The following ZNF83 variants were observed in gnomAD, a reference collection of about 807,000 sequenced individuals.
ZNF83 encodes zinc finger protein 816B.
For missense variants in ZNF83, 552 were observed against 629.9 expected (o/e 0.88, Z 1.32); for synonymous variants, 209 against 213.0 (o/e 0.98, Z 0.17).
At chr19:52,626,791 G>A (rs2060753889) in intron 2 of ZNF83, among the ~76,000 whole-genome samples, 2 of 152,044 alleles carry the variant, frequency 1.3e-5, no homozygotes, top group East Asian at 3.9e-4. Context: ...GCAACCCTGA[G>A]AAACATCATC....
chr19:52,622,875 G>A (rs979306648), intron 2 of ZNF83, among the ~76,000 whole-genome samples: 1 of 152,216 alleles, frequency 6.6e-6, no homozygotes, highest in Non-Finnish European at 1.5e-5. Flanking sequence ...AGAGGAGGCA[G>A]CCAAATGGCA....
At chr19:52,681,951 A>G (rs1432244875) in intron 1 of ZNF83, among the ~76,000 whole-genome samples, 1 of 152,144 alleles carries the variant, frequency 6.6e-6, no homozygotes, top group Non-Finnish European at 1.5e-5. Context: ...AGGTCTAAGC[A>G]ATTCTCCTGC....
intron 1 of ZNF83, among the ~76,000 whole-genome samples, chr19:52,678,342 T>G (rs1437304055): frequency 6.9e-6 from 1 of 145,272 alleles, no homozygotes; most frequent in Non-Finnish European, 1.5e-5. Flanking sequence ...CCCAGTTACT[T>G]GGGAGGCTGA....
intron 1 of ZNF83, among the ~76,000 whole-genome samples, chr19:52,686,827 T>G (rs1450744884): frequency 6.6e-5 from 10 of 152,008 alleles, no homozygotes; most frequent in Non-Finnish European, 1.3e-4. Context: ...CTCACCTCGG[T>G]CTCCCAAAGT....
exon 3 of ZNF83, chr19:52,612,970 G>A (rs768769071): frequency 3.1e-5 from 46 of 1,477,462 alleles, no homozygotes; most frequent in Admixed American, 4.4e-5. Flanking sequence ...ATAAATTATT[G>A]TATGTCTTAC....
chr19:52,660,198 T>A (rs2061561263), intron 2 of ZNF83, among the ~76,000 whole-genome samples: 1 of 152,108 alleles, frequency 6.6e-6, no homozygotes, highest in Non-Finnish European at 1.5e-5. Context: ...ATAGTCTTAG[T>A]CAGAGAGGGC....
chr19:52,673,051 C>G (rs1794368324), intron 1 of ZNF83, among the ~76,000 whole-genome samples: 1 of 152,036 alleles, frequency 6.6e-6, no homozygotes, highest in African/African-American at 2.4e-5. Flanking sequence ...AGCCCTGTCT[C>G]TACCAAAAAT....
rs1056151483 is a variant in ZNF83 at position 52,654,217 on chromosome 19, T to G, written c.-74+1344A>C. 3.2e-6 allele frequency: 5 copies of G among 1,585,546 alleles called. No homozygotes were observed. The African/African-American group carries it at 6.7e-5, about 21-fold the overall frequency. On this transcript the variant is annotated intron_variant, in intron 3 of 5. Transcript: ENST00000594682. ...CTTTTTGATTTTTGTCATGGGTGCT[T>G]CATGGCCATTTCTTTTAATTTCTTG...
At chr19:52,665,982 C>A (rs920521704) in intron 1 of ZNF83, among the ~76,000 whole-genome samples, 24 of 149,194 alleles carry the variant, frequency 1.6e-4, no homozygotes, top group African/African-American at 6.1e-4. Context: ...AACAGTGAAA[C>A]CCCGTCTCTA....
chr19:52,620,761 C>G (rs1243356488), intron 2 of ZNF83, among the ~76,000 whole-genome samples: 1 of 152,210 alleles, frequency 6.6e-6, no homozygotes, highest in African/African-American at 2.4e-5. Context: ...AGAAGTGAAA[C>G]AGCCAGCTTC....
At chr19:52,674,347 T>C (rs1159322186) in intron 1 of ZNF83, 1 of 152,244 alleles carries the variant, frequency 6.6e-6, no homozygotes, top group Non-Finnish European at 1.5e-5. Context: ...AAAAATTGAA[T>C]GCTTTTCCTG....
upstream of ZNF83, among the ~76,000 whole-genome samples, chr19:52,640,598 A>G (rs1354005175): frequency 8.6e-5 from 13 of 151,962 alleles, no homozygotes; most frequent in Admixed American, 8.5e-4. Context: ...GCTCACTGCA[A>G]CCTCCACCTC....
chr19:52,660,448 GTC>G (rs1367105312), intron 2 of ZNF83, among the ~76,000 whole-genome samples: 3 of 151,976 alleles, frequency 2.0e-5, no homozygotes, highest in Admixed American at 2.0e-4. Flanking sequence ...GTGAAATCCT[GTC>G]TCTATTAAAA....
At chr19:52,632,948 G>A (rs928667550) in intron 2 of ZNF83, among the ~76,000 whole-genome samples, 4 of 151,944 alleles carry the variant, frequency 2.6e-5, no homozygotes, top group Admixed American at 6.6e-5. Flanking sequence ...GAGAAACATC[G>A]TCCATTCTCT....
intron 1 of ZNF83, chr19:52,636,790 G>C (rs2061160866): frequency 6.6e-6 from 1 of 151,848 alleles, no homozygotes; most frequent in Admixed American, 6.6e-5. Context: ...AGAGTAGCTG[G>C]GATTACAGGT....
exon 3 of ZNF83, chr19:52,613,027 T>C (rs1357315932): frequency 3.1e-6 from 5 of 1,597,470 alleles, no homozygotes; most frequent in Non-Finnish European, 4.3e-6. Context: ...ATTACATGTG[T>C]TAGATTTCTT....
chr19:52,622,826 G>A (rs2060597341), intron 2 of ZNF83, among the ~76,000 whole-genome samples: 1 of 152,164 alleles, frequency 6.6e-6, no homozygotes, highest in African/African-American at 2.4e-5. Flanking sequence ...CCCCACAACA[G>A]GAATTAATCA....
chr19:52,661,700 C>A (rs1157269999), intron 1 of ZNF83, among the ~76,000 whole-genome samples: 2 of 152,184 alleles, frequency 1.3e-5, no homozygotes, highest in Non-Finnish European at 2.9e-5. Flanking sequence ...CTGCTCTCCC[C>A]TTGGGGACTT....
chr19:52,671,503 G>T (rs183860003), intron 1 of ZNF83, among the ~76,000 whole-genome samples: 1 of 151,852 alleles, frequency 6.6e-6, no homozygotes, highest in African/African-American at 2.4e-5. Flanking sequence ...GAATGCAGTG[G>T]CAGGAACACT....
Sources: gnomAD v4.1 joint callset for allele counts (sites outside exome capture counted in the v4.1 genomes callset) on GRCh38, gnomAD v4.1.1 for gene constraint, MANE v1.5 for transcripts, NCBI Gene and HGNC (gene_info 2026-07-23, HGNC 2026-07-21) for gene names.